ARFGEF3: variants seen among roughly 807,000 people sequenced by gnomAD.
ARFGEF3 encodes the protein ARFGEF family member 3, also known as brefeldin A-inhibited guanine nucleotide-exchange protein 3.
ARFGEF3 carries 96 observed loss-of-function variants against 221.7 expected under a neutral mutation model. That is an observed-to-expected ratio of 0.43 (90% CI 0.37 to 0.51). The LOEUF is 0.51. Among genes scored for constraint, ARFGEF3 ranks in the 20% least tolerant of loss-of-function variants. ARFGEF3 has a pLI of 0.00. For missense variants in ARFGEF3, 2,410 were observed against 2,789.9 expected (o/e 0.86, Z 3.07); for synonymous variants, 1,145 against 1,126.8 (o/e 1.02, Z -0.32).
chr6:138,278,819 G>T (rs1468167841), intron 13 of ARFGEF3, among the ~76,000 whole-genome samples: 1 of 152,168 alleles, frequency 6.6e-6, no homozygotes, highest in Non-Finnish European at 1.5e-5. Flanking sequence ...CCAGCACCGT[G>T]AGCACAGAGC....
chr6:138,278,828 G>A (rs1428038111), intron 13 of ARFGEF3, among the ~76,000 whole-genome samples: 1 of 152,176 alleles, frequency 6.6e-6, no homozygotes, highest in Non-Finnish European at 1.5e-5. Flanking sequence ...TGAGCACAGA[G>A]CTGCCCACTG....
intron 16 of ARFGEF3, 45 bp downstream of exon 16, chr6:138,286,961 C>A: frequency 6.2e-7 from 1 of 1,602,390 alleles, no homozygotes; most frequent in Non-Finnish European, 8.5e-7. Flanking sequence ...CTGCAGAACT[C>A]ACTGGGAATG....
At chr6:138,194,989 A>ATTTTTTTTTTTTTTTTTTT (rs747099029) in intron 2 of ARFGEF3, among the ~76,000 whole-genome samples, 1 of 84,116 alleles carries the variant, frequency 1.2e-5, no homozygotes, top group Non-Finnish European at 2.1e-5. Context: ...CTTTTCCCTA[A>ATTTTTTTTTTTTTTTTTTT]TTTTTTTTTT....
chr6:138,247,418 G>T (rs1778504249), intron 8 of ARFGEF3, among the ~76,000 whole-genome samples: 1 of 152,100 alleles, frequency 6.6e-6, no homozygotes, highest in African/African-American at 2.4e-5. Flanking sequence ...TTCTGGTTTG[G>T]ATAGGTCATG....
At position 138,291,837 on chromosome 6, in the gene ARFGEF3, G is replaced by A. The variant is rs757201570; in HGVS notation, c.3152G>A (p.Gly1051Asp). The change falls in exon 19 of 34, where the codon GGC becomes GAC. Residue 1051 changes from glycine to aspartate, a missense_variant. Coordinates refer to ENST00000251691, the MANE Select transcript of ARFGEF3 (RefSeq NM_020340.5). The surrounding 1 kb of genome is among the most constrained non-coding windows in gnomAD (Gnocchi z 4.5). ...CCCCAGAAGGCCACTGGAAGCGCTG[G>A]CCTCCTTGGGGACCCCGAGTGTGAG... ...SQPQKATGSAGLLGDPECEGS... is the reference protein window; with the variant it reads ...SQPQKATGSADLLGDPECEGS... 6.7e-7 allele frequency: 1 copy of A among 1,497,684 alleles called. No individual in the cohort carries two copies. The highest frequency in any genetic ancestry group is 1.3e-5 in the South Asian group (1 of 76,260). The allele number at this position is 1,497,684 out of a possible 1,614,324, so 92.8% of individuals were successfully genotyped here.
rs574966009 is a variant in ARFGEF3, at chr6:138,286,108, C to T, written c.2569+55C>T. On this transcript the variant is annotated intron_variant, in intron 15 of 33. Coordinates refer to ENST00000251691, the MANE Select transcript of ARFGEF3 (RefSeq NM_020340.5). ...ATCCATACACTGCATGTGTTACCAG[C>T]AATTACATTGTTATGTGGTGACTTG... 66 of 1,025,260 alleles carry T rather than the reference C, an allele frequency of 6.4e-5. No homozygotes were observed. In the Middle Eastern group the frequency reaches 3.4e-3, roughly 53 times the overall value. The allele number at this position is 1,025,260 out of a possible 1,614,324, so 63.5% of individuals were successfully genotyped here. A position where few individuals can be genotyped will look rare whatever the true frequency, so the allele number is the denominator to read the frequency against.
chr6:138,209,788 A>C (rs1777687905), intron 3 of ARFGEF3, 122 bp from the exon 4 acceptor site: 1 of 1,244,896 alleles, frequency 8.0e-7, no homozygotes, highest in Non-Finnish European at 1.1e-6. Flanking sequence ...GTTCTTTCTT[A>C]ATGGCCTCCA....
At chr6:138,308,912 G>A in intron 24 of ARFGEF3, 51 bp downstream of exon 24, 3 of 1,610,986 alleles carry the variant, frequency 1.9e-6, no homozygotes, top group Non-Finnish European at 1.7e-6. Flanking sequence ...ACCCTTTCCA[G>A]GGTGGCTCTG....
chr6:138,315,379 A>G (rs765487332), intron 26 of ARFGEF3, among the ~76,000 whole-genome samples: 13 of 152,196 alleles, frequency 8.5e-5, no homozygotes, highest in Non-Finnish European at 1.2e-4. Flanking sequence ...GTCCTGTTCT[A>G]CATCTAGAAT....
chr6:138,162,227 C>A lies in ARFGEF3; in HGVS notation c.85+56C>A. The A allele has an allele frequency of 1.5e-6, 2 of 1,355,040 alleles. No homozygotes were observed. Among genetic ancestry groups the A allele is most frequent in the Non-Finnish European group, 2.0e-6 (2 of 981,528 alleles). The allele number at this position is 1,355,040 out of a possible 1,614,324, so 83.9% of individuals were successfully genotyped here. On this transcript the variant is annotated intron_variant, in intron 1 of 33. Transcript: ENST00000251691. This position sits in a 1 kb window ranked among gnomAD's most constrained non-coding sequence, Gnocchi z 4.7. ...GGAGGGCCGCGCGGCCGGGGCTGAA[C>A]CCGCGCCTCCGCGCGTGGGGCTTTC...
chr6:138,283,663 A>C (rs1779236547), intron 14 of ARFGEF3, among the ~76,000 whole-genome samples: 1 of 152,222 alleles, frequency 6.6e-6, no homozygotes, highest in Non-Finnish European at 1.5e-5. Flanking sequence ...TCCTGATGTC[A>C]TGTCAGAGTA....
At chr6:138,269,333 C>T (rs188480878) in intron 12 of ARFGEF3, among the ~76,000 whole-genome samples, 29 of 152,340 alleles carry the variant, frequency 1.9e-4, no homozygotes, top group Admixed American at 9.8e-4. Context: ...GCATTTATGC[C>T]GTTACCAGCC....
At chr6:138,259,095 C>A (rs1013088800) in intron 10 of ARFGEF3, among the ~76,000 whole-genome samples, 1 of 152,226 alleles carries the variant, frequency 6.6e-6, no homozygotes, top group Non-Finnish European at 1.5e-5. Flanking sequence ...GCTCAGCAGA[C>A]TGATTGGGGC....
At position 138,337,902 on chromosome 6, in the gene ARFGEF3, A is replaced by G. The variant is rs1780360421; in HGVS notation, c.*1416A>G. 1 of 152,220 alleles carries G rather than the reference A, an allele frequency of 6.6e-6. No homozygotes were observed. The highest frequency in any genetic ancestry group is 2.4e-5 in the African/African-American group (1 of 41,458). 9.4% of individuals were successfully genotyped at this position (152,220 alleles called of 1,614,324 possible). A position where few individuals can be genotyped will look rare whatever the true frequency, so the allele number is the denominator to read the frequency against. On this transcript the variant is annotated 3_prime_UTR_variant, in exon 34 of 34. Coordinates refer to ENST00000251691, the MANE Select transcript of ARFGEF3 (RefSeq NM_020340.5). ...AATCTCCCAGCCCCATTCATAATGA[A>G]TAAGTCACCCTTTAAATATAAGACA...
Position 138,338,062 on chromosome 6 carries a change from C to T in ARFGEF3, c.*1576C>T, listed in dbSNP as rs1002610483. 6.6e-5 allele frequency: 10 copies of T among 152,114 alleles called. No homozygotes were observed. Among genetic ancestry groups the T allele is most frequent in the African/African-American group, 2.4e-4 (10 of 41,402 alleles). 9.4% of individuals were successfully genotyped at this position (152,114 alleles called of 1,614,324 possible). A position where few individuals can be genotyped will look rare whatever the true frequency, so the allele number is the denominator to read the frequency against. On this transcript the variant is annotated 3_prime_UTR_variant, in exon 34 of 34. Transcript: ENST00000251691. ...TCTTTAGGTGATCTGAAAAAAACAC[C>T]CTTATCATCCAGTGTACCATCTAGA... is the stretch of plus-strand genomic sequence containing the variant.
At chr6:138,235,758 A>T (rs1240045336) in intron 5 of ARFGEF3, among the ~76,000 whole-genome samples, 1 of 149,656 alleles carries the variant, frequency 6.7e-6, no homozygotes, top group Non-Finnish European at 1.5e-5. Flanking sequence ...CTGAGAAAGC[A>T]TTTCTTTCTG....
At chr6:138,305,617 A>AAG (rs1179230960) in intron 22 of ARFGEF3, among the ~76,000 whole-genome samples, 1 of 151,516 alleles carries the variant, frequency 6.6e-6, no homozygotes. Flanking sequence ...TGTCTCAAAA[A>AAG]AAAAAAAAAA....
intron 2 of ARFGEF3, among the ~76,000 whole-genome samples, chr6:138,181,664 G>C (rs1026684345): frequency 3.3e-5 from 5 of 152,080 alleles, no homozygotes; most frequent in Non-Finnish European, 7.4e-5. Flanking sequence ...GGCTGGTTTC[G>C]AACTCCTGGC....
chr6:138,169,578 A>AACTGGTGGGCTGCG (rs1776788070), intron 1 of ARFGEF3, among the ~76,000 whole-genome samples: 1 of 152,164 alleles, frequency 6.6e-6, no homozygotes, highest in Non-Finnish European at 1.5e-5. Flanking sequence ...GGTGGGCTGC[A>AACTGGTGGGCTGCG]CTGGCCTGTG....
Sources: allele counts gnomAD v4.1 joint callset (sites outside exome capture counted in the v4.1 genomes callset), GRCh38; gene constraint gnomAD v4.1.1; non-coding constraint Gnocchi (gnomAD v3.1); transcripts MANE v1.5; gene names NCBI Gene and HGNC (gene_info 2026-07-23, HGNC 2026-07-21).